The following PRSS23 variants were observed in gnomAD, a reference collection of about 807,000 sequenced individuals.
PRSS23 encodes the protein serine protease 23.
Under a neutral mutation model 34.7 loss-of-function variants are expected in PRSS23, and 25 were observed. The ratio of observed to expected loss-of-function variants is 0.72; its 90% CI spans 0.53 to 1.01. PRSS23 has a LOEUF of 1.01. Among genes scored for constraint, PRSS23 ranks in the 50% least tolerant of loss-of-function variants. The pLI is 0.00. For synonymous variants in PRSS23, 176 were observed against 186.6 expected (o/e 0.94, Z 0.46); for missense variants, 445 against 475.6 (o/e 0.94, Z 0.60).
At chr11:86,875,585 G>C (rs1412244884) in intron 2 of PRSS23, among the ~76,000 whole-genome samples, 1 of 152,100 alleles carries the variant, frequency 6.6e-6, no homozygotes, top group Admixed American at 6.5e-5. Flanking sequence ...AGCATCCTTG[G>C]GGGTACCAAC....
intron 2 of PRSS23, among the ~76,000 whole-genome samples, chr11:86,875,928 A>G (rs899659597): frequency 6.6e-6 from 1 of 152,240 alleles, no homozygotes; most frequent in Non-Finnish European, 1.5e-5. Context: ...TCTTCATTGT[A>G]TCATCTGTGC....
At chr11:86,941,015 T>C (rs1949203837) in intron 2 of PRSS23, 1 of 152,230 alleles carries the variant, frequency 6.6e-6, no homozygotes, top group Non-Finnish European at 1.5e-5. Context: ...ATACCTCCGA[T>C]GGCACATAAT....
intron 2 of PRSS23, among the ~76,000 whole-genome samples, chr11:86,866,587 G>T (rs1948650972): frequency 6.6e-6 from 1 of 152,060 alleles, no homozygotes; most frequent in Admixed American, 6.5e-5. Flanking sequence ...TTAGACTCTG[G>T]GTATTTAAGG....
At chr11:86,918,897 C>A (rs1055807086) in intron 2 of PRSS23, among the ~76,000 whole-genome samples, 4 of 152,032 alleles carry the variant, frequency 2.6e-5, no homozygotes, top group Non-Finnish European at 4.4e-5. Context: ...ATTTTAATAA[C>A]CTGGGAACTA....
chr11:86,797,473 C>T (rs766462172), upstream of PRSS23, among the ~76,000 whole-genome samples: 35 of 152,278 alleles, frequency 2.3e-4, no homozygotes, highest in Admixed American at 3.9e-4. Flanking sequence ...CCTGAGCCCC[C>T]GTGGGACATC....
At chr11:86,855,645 A>C (rs1423325118) in intron 2 of PRSS23, among the ~76,000 whole-genome samples, 4 of 152,234 alleles carry the variant, frequency 2.6e-5, no homozygotes, top group Non-Finnish European at 2.9e-5. Flanking sequence ...GCAGGCATGC[A>C]CCAGCACACC....
chr11:86,860,775 C>T (rs1233994814), intron 2 of PRSS23, among the ~76,000 whole-genome samples: 1 of 151,738 alleles, frequency 6.6e-6, no homozygotes, highest in East Asian at 1.9e-4. Context: ...TATCCCAGGG[C>T]GGGGAAGACA....
intron 2 of PRSS23, chr11:86,934,343 T>A (rs889663227): frequency 1.3e-5 from 2 of 151,828 alleles, no homozygotes; most frequent in African/African-American, 4.8e-5. Context: ...TAGGCCCACA[T>A]CTCTTTCCAA....
intron 2 of PRSS23, among the ~76,000 whole-genome samples, chr11:86,830,624 G>A (rs775508652): frequency 7.2e-5 from 11 of 151,830 alleles, no homozygotes; most frequent in African/African-American, 1.9e-4. Flanking sequence ...GTTCCTATTC[G>A]GCCATCTTGG....
chr11:86,807,690 G>A lies in PRSS23; in HGVS notation c.47G>A (p.Cys16Tyr), dbSNP rs1293655869. 6.2e-7 allele frequency: 1 copy of A among 1,613,910 alleles called. No homozygotes were observed. The highest frequency in any genetic ancestry group is 8.5e-7 in the Non-Finnish European group (1 of 1,179,994). The change falls in exon 2 of 2, where the codon TGT (cysteine) becomes TAT (tyrosine). Residue 16 changes from cysteine to tyrosine, a missense_variant. Cys to Tyr is a radical substitution (Grantham distance 194). Transcript: ENST00000280258. The part of the protein sequence containing the change: ...GLLFLLFFLL[C>Y]AVGQVSPYSA... ...CTCTTCCTTCTCTTCTTTCTGCTCTGTGCTGTTGGGCAAGTGAGCCCTTAC... is the reference window on the plus strand; with the variant it reads ...CTCTTCCTTCTCTTCTTTCTGCTCTATGCTGTTGGGCAAGTGAGCCCTTAC...
chr11:86,933,132 A>T (rs1397772983), intron 2 of PRSS23: 1 of 152,414 alleles, frequency 6.6e-6, no homozygotes, highest in Non-Finnish European at 1.5e-5. Context: ...TCCTTTCAAA[A>T]GCAGGCTGGC....
Position 86,886,023 on chromosome 11 carries a change from C to T in PRSS23, c.206+62430C>T, listed in dbSNP as rs1200856696. Among the ~76,000 whole-genome samples the T allele has an allele frequency of 2.6e-5, 4 of 152,174 alleles. 1 individual carries two copies. Among genetic ancestry groups the T allele is most frequent in the Admixed American group, 2.6e-4 (4 of 15,268 alleles). ...GCAGGTAACATTTAGGAAGTGATTA[C>T]TCTCTGACAAGCATTGTGCTAAGTG... On this transcript the variant is annotated intron_variant, in intron 2 of 2. Coordinates refer to the PRSS23 transcript ENST00000533902.
rs774888661 is a variant in PRSS23 at position 86,951,604 on chromosome 11, G to A, written c.*319G>A. 1.4e-5 allele frequency: 22 copies of A among 1,613,970 alleles called. No individual in the cohort carries two copies. The highest frequency in any genetic ancestry group is 3.3e-5 in the Admixed American group (2 of 60,000). On this transcript the variant is annotated 3_prime_UTR_variant, in exon 3 of 3. Coordinates refer to the PRSS23 transcript ENST00000533902. ...CCACCACGAACCCGGTGAGGGCATC[G>A]AGATTTTGGTTTCCAACATAGCACA... is the stretch of plus-strand genomic sequence containing the variant.
intron 2 of PRSS23, chr11:86,945,644 T>C (rs1019632481): frequency 2.0e-5 from 3 of 152,624 alleles, no homozygotes; most frequent in East Asian, 1.9e-4. Flanking sequence ...GTGGCTGTCA[T>C]ATACTTTCAG....
chr11:86,939,005 G>A (rs1565392567), intron 2 of PRSS23: 2 of 446,610 alleles, frequency 4.5e-6, no homozygotes, highest in South Asian at 1.6e-5. Flanking sequence ...ATGTATTGAT[G>A]TTTTTCCTCT....
intron 2 of PRSS23, among the ~76,000 whole-genome samples, chr11:86,842,537 C>G (rs1448490327): frequency 6.6e-6 from 1 of 152,216 alleles, no homozygotes; most frequent in African/African-American, 2.4e-5. Context: ...ACCCCATTGT[C>G]TCAGCCCAAA....
intron 2 of PRSS23, chr11:86,948,329 A>G (rs754030401): frequency 3.3e-5 from 5 of 152,102 alleles, no homozygotes; most frequent in Admixed American, 6.6e-5. Flanking sequence ...TAGATCAGTT[A>G]GAAGAACAGA....
chr11:86,857,832 G>A, intron 2 of PRSS23: 2 of 606,374 alleles, frequency 3.3e-6, no homozygotes, highest in Admixed American at 1.9e-5. Context: ...TGGAGAGGAA[G>A]AAGTACATGG....
At chr11:86,846,085 C>G (rs1948484024) in intron 2 of PRSS23, among the ~76,000 whole-genome samples, 1 of 152,176 alleles carries the variant, frequency 6.6e-6, no homozygotes, top group Admixed American at 6.5e-5. Flanking sequence ...ACTCTGGTTA[C>G]CTGTTCAGGA....
Sources: gnomAD v4.1 joint callset for allele counts (sites outside exome capture counted in the v4.1 genomes callset) on GRCh38, gnomAD v4.1.1 for gene constraint, MANE v1.5 for transcripts, NCBI Gene and HGNC (gene_info 2026-07-23, HGNC 2026-07-21) for gene names.